The following ROBO2 variants were observed in gnomAD, a reference collection of about 807,000 sequenced individuals.
ROBO2 encodes roundabout homolog 2.
A neutral mutation model predicts 160.8 loss-of-function variants in ROBO2; 53 were observed. That is an observed-to-expected ratio of 0.33 (90% CI 0.26 to 0.41). ROBO2 has a LOEUF of 0.41. Ranked by LOEUF, ROBO2 falls within the 10% of genes least tolerant of loss-of-function variation. The pLI is 1.00. For missense variants in ROBO2, 1,577 were observed against 1,722.4 expected (o/e 0.92, Z 1.49); for synonymous variants, 664 against 611.7 (o/e 1.09, Z -1.26).
intron 2 of ROBO2, among the ~76,000 whole-genome samples, chr3:76,204,250 C>T (rs573209582): frequency 2.2e-4 from 33 of 152,086 alleles, no homozygotes; most frequent in African/African-American, 8.0e-4. Flanking sequence ...AGTTAAGTAA[C>T]TACTTAGAAT....
Position 76,585,359 on chromosome 3 carries a change from C to G in ROBO2, c.110-512655C>G, listed in dbSNP as rs575432955. Among the ~76,000 whole-genome samples, 38 of 152,248 alleles carry G rather than the reference C, an allele frequency of 2.5e-4. 1 individual carries two copies. In the South Asian group the frequency reaches 7.5e-3, roughly 30 times the overall value. The stretch of plus-strand genomic sequence containing the variant: ...ATGAAAAATATTGATTTCATGTTAG[C>G]TCACTAAAAATTTTCCCAGACAATT... On this transcript the variant is annotated intron_variant, in intron 2 of 26. Coordinates refer to the ROBO2 transcript ENST00000487694.
intron 2 of ROBO2, among the ~76,000 whole-genome samples, chr3:76,406,214 C>G (rs1705433497): frequency 6.6e-6 from 1 of 151,666 alleles, no homozygotes; most frequent in Non-Finnish European, 1.5e-5. Flanking sequence ...GAATTTTACT[C>G]TCAGTAAAAA....
chr3:76,960,963 A>G (rs1174587290), intron 2 of ROBO2, among the ~76,000 whole-genome samples: 6 of 152,280 alleles, frequency 3.9e-5, no homozygotes, highest in Non-Finnish European at 5.9e-5. Context: ...ATAGACAAGC[A>G]GTGGTTTCTC....
intron 2 of ROBO2, among the ~76,000 whole-genome samples, chr3:77,465,219 G>A (rs1179576036): frequency 6.6e-6 from 1 of 152,116 alleles, no homozygotes; most frequent in African/African-American, 2.4e-5. Flanking sequence ...TAGTAATATG[G>A]CATAATGAAG....
intron 2 of ROBO2, among the ~76,000 whole-genome samples, chr3:77,321,355 A>G (rs573117851): frequency 3.1e-4 from 47 of 152,170 alleles, no homozygotes; most frequent in African/African-American, 1.1e-3. Flanking sequence ...CATCTCCACA[A>G]AATATTAAGA....
At chr3:77,611,010 A>G (rs2094626274) in intron 21 of ROBO2, among the ~76,000 whole-genome samples, 1 of 151,968 alleles carries the variant, frequency 6.6e-6, no homozygotes, top group African/African-American at 2.4e-5. Flanking sequence ...TGAAAACTGC[A>G]TAGGGTGGCT....
chr3:77,479,538 C>T (rs1381271796), intron 3 of ROBO2, among the ~76,000 whole-genome samples: 1 of 151,998 alleles, frequency 6.6e-6, no homozygotes, highest in Non-Finnish European at 1.5e-5. Context: ...GCTCAGAAAG[C>T]CAAAGCACCA....
intron 1 of ROBO2, among the ~76,000 whole-genome samples, chr3:75,924,268 G>C (rs1480284516): frequency 3.3e-5 from 5 of 152,154 alleles, no homozygotes; most frequent in African/African-American, 9.6e-5. Context: ...GAATTATCTA[G>C]GTGGGCCCAC....
At chr3:76,256,334 T>A (rs749178095) in intron 2 of ROBO2, among the ~76,000 whole-genome samples, 1,167 of 96,066 alleles carry the variant, frequency 0.012, 14 homozygotes, top group Middle Eastern at 0.028. Context: ...TCTCTCTCTC[T>A]CTCTCTCTCT....
chr3:77,188,833 A>G (rs1264039009), intron 2 of ROBO2, among the ~76,000 whole-genome samples: 2 of 151,886 alleles, frequency 1.3e-5, no homozygotes, highest in Non-Finnish European at 2.9e-5. Context: ...CAAATAGCAG[A>G]CTAGAATAAA....
chr3:76,000,392 A>T (rs566535229), intron 2 of ROBO2, among the ~76,000 whole-genome samples: 1 of 152,206 alleles, frequency 6.6e-6, no homozygotes, highest in East Asian at 1.9e-4. Flanking sequence ...TTCAAACAAC[A>T]TCATTGTGCT....
intron 2 of ROBO2, among the ~76,000 whole-genome samples, chr3:75,996,768 TTCTGATATATGTAAATCATC>T (rs2065738928): frequency 1.2e-5 from 1 of 82,602 alleles, no homozygotes; most frequent in Non-Finnish European, 3.1e-5. Context: ...AAATCATCAA[TTCTGATATATGTAAATCATC>T]AATTCTGATA....
At chr3:77,161,211 G>A (rs537929676) in intron 2 of ROBO2, among the ~76,000 whole-genome samples, 32 of 152,262 alleles carry the variant, frequency 2.1e-4, no homozygotes, top group African/African-American at 6.5e-4. Context: ...CATTATGACC[G>A]TAATAATAAT....
At chr3:77,610,741 C>CAAAAAAAAAAAAAAAAAAA (rs71629658) in intron 21 of ROBO2, among the ~76,000 whole-genome samples, 19 of 19,824 alleles carry the variant, frequency 9.6e-4, no homozygotes, top group African/African-American at 1.1e-3. Context: ...GGCCAAAGAC[C>CAAAAAAAAAAAAAAAAAAA]AAAAAAAAAA....
intron 2 of ROBO2, among the ~76,000 whole-genome samples, chr3:76,238,592 A>G (rs1218962980): frequency 6.6e-6 from 1 of 151,730 alleles, no homozygotes; most frequent in Non-Finnish European, 1.5e-5. Flanking sequence ...GAACATGGGG[A>G]AAACCACCTC....
chr3:76,162,568 C>G (rs943949321), intron 2 of ROBO2, among the ~76,000 whole-genome samples: 1 of 152,138 alleles, frequency 6.6e-6, no homozygotes, highest in Non-Finnish European at 1.5e-5. Flanking sequence ...CTGCCTCAGC[C>G]TCCCAAGGTT....
intron 2 of ROBO2, among the ~76,000 whole-genome samples, chr3:76,248,580 A>G (rs1400343476): frequency 6.6e-6 from 1 of 151,710 alleles, no homozygotes; most frequent in Non-Finnish European, 1.5e-5. Context: ...AGCATGGCAC[A>G]TGTATACATA....
At chr3:77,479,134 A>T (rs1186906302) in intron 3 of ROBO2, among the ~76,000 whole-genome samples, 2 of 152,188 alleles carry the variant, frequency 1.3e-5, no homozygotes, top group Non-Finnish European at 2.9e-5. Context: ...CCCAACAAAT[A>T]GACAAAGTTC....
chr3:77,241,632 A>G (rs950316103), intron 2 of ROBO2, among the ~76,000 whole-genome samples: 9 of 152,206 alleles, frequency 5.9e-5, no homozygotes, highest in African/African-American at 2.2e-4. Context: ...GAGATAAATC[A>G]TTATGAACCC....
Sources: gnomAD v4.1 joint callset for allele counts (sites outside exome capture counted in the v4.1 genomes callset) on GRCh38, gnomAD v4.1.1 for gene constraint, MANE v1.5 for transcripts, NCBI Gene and HGNC (gene_info 2026-07-23, HGNC 2026-07-21) for gene names.